KCNIP4: variants seen among roughly 807,000 people sequenced by gnomAD.
KCNIP4 encodes potassium voltage-gated channel interacting protein 4.
In KCNIP4, 12 loss-of-function variants were observed where a neutral mutation model predicts 34.0. The ratio of observed to expected loss-of-function variants is 0.35; its 90% CI spans 0.23 to 0.57. The LOEUF (loss-of-function observed/expected upper bound fraction) is 0.57, where lower values mean the gene tolerates loss of function less well. Among genes scored for constraint, KCNIP4 ranks in the 20% least tolerant of loss-of-function variants. The probability of loss-of-function intolerance (pLI) is 0.83; values close to 1 mark genes in which losing one functional copy is unlikely to be tolerated. For synonymous variants in KCNIP4, 124 were observed against 102.2 expected, an observed-to-expected ratio of 1.21 and a Z score of -1.29; for missense variants, 238 against 311.7, an observed-to-expected ratio of 0.76 and a Z score of 1.78.
intron 1 of KCNIP4, among the ~76,000 whole-genome samples, chr4:20,997,073 G>A (rs976149335): frequency 1.1e-4 from 16 of 152,078 alleles, no homozygotes; most frequent in African/African-American, 3.9e-4. Context: ...TAGGATGGGG[G>A]GAAAACTACG....
intron 1 of KCNIP4, among the ~76,000 whole-genome samples, chr4:21,903,345 TC>T (rs1425287931): frequency 1.1e-4 from 17 of 152,238 alleles, no homozygotes; most frequent in Admixed American, 1.1e-3. Context: ...TAACTGAAAT[TC>T]AAGTCAATCT....
chr4:20,982,592 C>G (rs558361501), intron 1 of KCNIP4, among the ~76,000 whole-genome samples: 261 of 152,242 alleles, frequency 1.7e-3, no homozygotes, highest in African/African-American at 5.9e-3. Flanking sequence ...AAAGAAGATA[C>G]GAAGATTACA....
At chr4:21,837,730 C>T (rs1383266899) in intron 1 of KCNIP4, among the ~76,000 whole-genome samples, 1 of 151,458 alleles carries the variant, frequency 6.6e-6, no homozygotes, top group Non-Finnish European at 1.5e-5. Context: ...GAGTTAGCTG[C>T]CAAAATTTAA....
At chr4:20,810,299 T>A (rs1715570018) in intron 3 of KCNIP4, among the ~76,000 whole-genome samples, 1 of 152,190 alleles carries the variant, frequency 6.6e-6, no homozygotes, top group Non-Finnish European at 1.5e-5. Flanking sequence ...CATCCATTTA[T>A]GGGTCTGATT....
chr4:20,868,621 A>G (rs1577284486), intron 2 of KCNIP4, among the ~76,000 whole-genome samples: 1 of 152,142 alleles, frequency 6.6e-6, no homozygotes, highest in South Asian at 2.1e-4. Flanking sequence ...GGATTAAGAA[A>G]ATGAGGTACA....
At chr4:20,914,162 A>G (rs1728591069) in intron 1 of KCNIP4, among the ~76,000 whole-genome samples, 1 of 152,136 alleles carries the variant, frequency 6.6e-6, no homozygotes, top group South Asian at 2.1e-4. Context: ...TGTCTCAAAA[A>G]GAAAAAAAAA....
intron 5 of KCNIP4, among the ~76,000 whole-genome samples, chr4:20,742,335 C>T (rs192410961): frequency 5.9e-5 from 9 of 152,178 alleles, no homozygotes; most frequent in African/African-American, 1.2e-4. Flanking sequence ...ATTAGCAAAC[C>T]GAATCCAGCA....
At chr4:21,636,845 G>T (rs369283670) in intron 1 of KCNIP4, among the ~76,000 whole-genome samples, 1 of 152,134 alleles carries the variant, frequency 6.6e-6, no homozygotes, top group Non-Finnish European at 1.5e-5. Context: ...AATAGCAACT[G>T]GGCAATTCGA....
intron 1 of KCNIP4, among the ~76,000 whole-genome samples, chr4:20,933,257 T>C (rs115513183): frequency 0.035 from 5,309 of 151,738 alleles, 108 homozygotes; most frequent in African/African-American, 0.045. Flanking sequence ...AGAAAAAAAA[T>C]ATAAAAAAAT....
intron 1 of KCNIP4, among the ~76,000 whole-genome samples, chr4:21,770,665 C>T (rs989232906): frequency 4.6e-5 from 7 of 152,120 alleles, no homozygotes; most frequent in Admixed American, 2.0e-4. Context: ...GAGATGGTAT[C>T]GCATTGTGAT....
chr4:21,697,221 T>C (rs544151822), intron 1 of KCNIP4: 49 of 1,247,840 alleles, frequency 3.9e-5, no homozygotes, highest in Non-Finnish European at 4.7e-5. Flanking sequence ...GCAAATACAG[T>C]TGCATTTTAT....
At chr4:21,353,181 G>A (rs1015141214) in intron 1 of KCNIP4, among the ~76,000 whole-genome samples, 1 of 152,170 alleles carries the variant, frequency 6.6e-6, no homozygotes, top group South Asian at 2.1e-4. Context: ...AAACCACAAA[G>A]ATGGGGAGAA....
At chr4:21,241,178 G>A (rs980789453) in intron 1 of KCNIP4, among the ~76,000 whole-genome samples, 1 of 152,112 alleles carries the variant, frequency 6.6e-6, no homozygotes, top group African/African-American at 2.4e-5. Flanking sequence ...TATATAGTAT[G>A]TACAGTGTAA....
intron 1 of KCNIP4, chr4:21,613,275 A>T (rs1479704098): frequency 1.3e-5 from 2 of 152,180 alleles, no homozygotes. Context: ...ATGTGTCATC[A>T]GAGGCTGGGT....
At chr4:21,646,404 A>G (rs913190696) in intron 1 of KCNIP4, among the ~76,000 whole-genome samples, 1 of 152,150 alleles carries the variant, frequency 6.6e-6, no homozygotes, top group Non-Finnish European at 1.5e-5. Flanking sequence ...TAATGAGTCA[A>G]TATTGTTGTC....
chr4:21,916,992 A>G (rs1728665229), intron 1 of KCNIP4, among the ~76,000 whole-genome samples: 1 of 152,224 alleles, frequency 6.6e-6, no homozygotes, highest in South Asian at 2.1e-4. Context: ...TCTCAATAGC[A>G]TGGATGCAAC....
intron 1 of KCNIP4, among the ~76,000 whole-genome samples, chr4:21,203,192 T>C (rs1756611815): frequency 6.6e-6 from 1 of 152,136 alleles, no homozygotes. Context: ...GTACCTGCAA[T>C]GTGGAATAGA....
intron 1 of KCNIP4, among the ~76,000 whole-genome samples, chr4:20,989,412 T>C (rs1736884044): frequency 6.6e-6 from 1 of 152,196 alleles, no homozygotes; most frequent in Non-Finnish European, 1.5e-5. Flanking sequence ...TGGACACAGG[T>C]GGCTTTGAAT....
intron 1 of KCNIP4, among the ~76,000 whole-genome samples, chr4:21,736,343 A>G (rs542639348): frequency 6.6e-6 from 1 of 152,096 alleles, no homozygotes; most frequent in East Asian, 1.9e-4. Flanking sequence ...GCATCCTTCC[A>G]TCTGTCCTCT....
Sources: allele counts gnomAD v4.1 joint callset (sites outside exome capture counted in the v4.1 genomes callset), GRCh38; gene constraint gnomAD v4.1.1; transcripts MANE v1.5; gene names NCBI Gene and HGNC (gene_info 2026-07-23, HGNC 2026-07-21).